The following NPHP3 variants were observed in gnomAD, a reference collection of about 807,000 sequenced individuals.
NPHP3 encodes the protein nephrocystin 3.
In NPHP3, 123 loss-of-function variants were observed where a neutral mutation model predicts 171.9. That is an observed-to-expected ratio of 0.72 (90% CI 0.62 to 0.83). NPHP3 has a LOEUF of 0.83. Ranked by LOEUF, NPHP3 falls within the 40% of genes least tolerant of loss-of-function variation. NPHP3 has a pLI of 0.00. For missense variants in NPHP3, 1,506 were observed against 1,591.9 expected (o/e 0.95, Z 0.92); for synonymous variants, 558 against 579.2 (o/e 0.96, Z 0.52).
chr3:132,720,006 A>G (rs1012591924), intron 1 of NPHP3, among the ~76,000 whole-genome samples, 176 bp from the exon 2 acceptor site: 2 of 152,228 alleles, frequency 1.3e-5, no homozygotes, highest in East Asian at 1.9e-4. Flanking sequence ...AACATGATGG[A>G]AAAAAACCGC....
chr3:132,686,113 G>GT (rs1213441939), intron 23 of NPHP3, 147 bp downstream of exon 23: 1 of 751,540 alleles, frequency 1.3e-6, no homozygotes. Context: ...TTAGGTATGT[G>GT]TATGCTCATT....
At chr3:132,714,373 C>T (rs960613271) in intron 5 of NPHP3, among the ~76,000 whole-genome samples, 2 of 152,044 alleles carry the variant, frequency 1.3e-5, no homozygotes, top group Non-Finnish European at 2.9e-5. Flanking sequence ...CAACGGCTGC[C>T]TTGGAAAATT....
At chr3:132,705,970 T>C (rs902070530) in intron 7 of NPHP3, among the ~76,000 whole-genome samples, 156 bp from the exon 8 acceptor site, 5 of 152,222 alleles carry the variant, frequency 3.3e-5, no homozygotes, top group African/African-American at 1.2e-4. Context: ...AGGGAGATAC[T>C]ATTATTATCC....
chr3:132,721,828 C>A (rs990164169), intron 1 of NPHP3, 135 bp downstream of exon 1: 5 of 1,077,086 alleles, frequency 4.6e-6, no homozygotes, highest in Non-Finnish European at 6.9e-6. Flanking sequence ...TCATTTCAGA[C>A]TCGAAGAGAA....
intron 20 of NPHP3, 38 bp from the exon 21 acceptor site, chr3:132,688,929 T>A: frequency 6.2e-7 from 1 of 1,613,700 alleles, no homozygotes. Flanking sequence ...TTAAAGTGAG[T>A]GAAATGCTGC....
At chr3:132,691,450 T>C (rs1416500680) in intron 17 of NPHP3, among the ~76,000 whole-genome samples, 164 bp from the exon 18 acceptor site, 1 of 152,190 alleles carries the variant, frequency 6.6e-6, no homozygotes, top group Non-Finnish European at 1.5e-5. Context: ...TTTGATAAAC[T>C]GTTACTAGAA....
chr3:132,693,884 A>G (rs1195478879), intron 16 of NPHP3: 1 of 152,104 alleles, frequency 6.6e-6, no homozygotes, highest in Non-Finnish European at 1.5e-5. Flanking sequence ...GGAAAAAAAA[A>G]AAAAAAATGA....
Position 132,701,412 on chromosome 3 carries a change from A to T in NPHP3, c.1628+18T>A. ...ATTCAAACAATGACAACAATAATTT[A>T]ATTGCACTGCATCATACCACTTTGA... is the stretch of plus-strand genomic sequence containing the variant. On this transcript the variant is annotated intron_variant, in intron 10 of 26. Transcript: ENST00000337331. The T allele has an allele frequency of 6.8e-7, 1 of 1,479,780 alleles. No individual in the cohort carries two copies. The highest frequency in any genetic ancestry group is 9.5e-7 in the Non-Finnish European group (1 of 1,057,970). 91.7% of individuals were successfully genotyped at this position (1,479,780 alleles called of 1,614,324 possible).
intron 15 of NPHP3, among the ~76,000 whole-genome samples, chr3:132,695,659 T>C (rs1207191682): frequency 6.6e-6 from 1 of 152,050 alleles, no homozygotes; most frequent in Admixed American, 6.6e-5. Flanking sequence ...GCAGGCTGGG[T>C]ACAGTGGCTC....
chr3:132,701,120 C>A (rs1939595011), intron 10 of NPHP3, among the ~76,000 whole-genome samples: 2 of 151,596 alleles, frequency 1.3e-5, no homozygotes, highest in South Asian at 4.2e-4. Context: ...TTACAATCCA[C>A]TTAATAACAT....
Position 132,713,249 on chromosome 3 carries a change from A to G in NPHP3, c.995T>C (p.Met332Thr), listed in dbSNP as rs1939961605. ...ATAAACAGCATGGAAAAAATATCCC[A>G]TTGTCTCGCACATTCTCTTAAGTTT... The part of the protein sequence containing the change: ...SPKLKRMCET[M>T]GYFFHAVYFP... Residue 332 changes from methionine to threonine, a missense_variant, in exon 6 of 27, where the codon ATG becomes ACG. Met to Thr is a moderately conservative substitution (Grantham distance 81). Around this residue, in one of 3 missense-constraint regions of NPHP3, gnomAD observed 930 missense variants for 924.9 expected, o/e 1.01. Coordinates refer to ENST00000337331, the MANE Select transcript of NPHP3 (RefSeq NM_153240.5). The G allele has an allele frequency of 6.2e-7, 1 of 1,604,760 alleles. No homozygotes were observed. The highest frequency in any genetic ancestry group is 2.2e-5 in the East Asian group (1 of 44,498).
chr3:132,692,917 A>G, intron 16 of NPHP3, 99 bp from the exon 17 acceptor site: 1 of 928,644 alleles, frequency 1.1e-6, no homozygotes, highest in Non-Finnish European at 1.7e-6. Flanking sequence ...ATTTCTTTTT[A>G]CCAAAACTTA....
At chr3:132,687,477 T>A (rs1372434339) in intron 21 of NPHP3, among the ~76,000 whole-genome samples, 1 of 152,156 alleles carries the variant, frequency 6.6e-6, no homozygotes, top group Non-Finnish European at 1.5e-5. Context: ...ATTAAAAAAA[T>A]TTTGACAAAA....
chr3:132,706,087 C>T (rs1268597283), intron 7 of NPHP3, among the ~76,000 whole-genome samples: 1 of 151,854 alleles, frequency 6.6e-6, no homozygotes, highest in Non-Finnish European at 1.5e-5. Flanking sequence ...AGGCCAGGCG[C>T]GGTGGCTCAT....
At chr3:132,711,037 ACT>A (rs1446742156) in intron 6 of NPHP3, among the ~76,000 whole-genome samples, 1 of 152,184 alleles carries the variant, frequency 6.6e-6, no homozygotes, top group Non-Finnish European at 1.5e-5. Flanking sequence ...TCTTCAAATA[ACT>A]CTGTGGATAC....
rs1940239843 is a variant in NPHP3, at chr3:132,721,965, G to C, written c.391C>G (p.Gln131Glu). 6.2e-7 allele frequency: 1 copy of C among 1,612,444 alleles called. No individual in the cohort carries two copies. The highest frequency in any genetic ancestry group is 8.5e-7 in the Non-Finnish European group (1 of 1,179,860). The change falls in exon 1 of 27, where the codon CAG becomes GAG. Residue 131 changes from glutamine to glutamate, a missense_variant and splice_region_variant. Around this residue, in one of 3 missense-constraint regions of NPHP3, gnomAD observed 930 missense variants for 924.9 expected, o/e 1.01. Transcript: ENST00000337331. ...TENKRLRAEL[Q>E]ALQKTYQKIL... is the part of the protein sequence containing the mutation. Reference sequence around the variant, plus strand: ...GTCGCGGCCCAGCCCGGCGTTACCTGCAGTTCGGCCCGCAGCCGCTTGTTC... The same window carrying C: ...GTCGCGGCCCAGCCCGGCGTTACCTCCAGTTCGGCCCGCAGCCGCTTGTTC...
At chr3:132,682,239 CA>C in intron 26 of NPHP3, 149 bp from the exon 27 acceptor site, 1 of 695,928 alleles carries the variant, frequency 1.4e-6, no homozygotes, top group Non-Finnish European at 2.5e-6. Flanking sequence ...ACCAGTAAAA[CA>C]ACACCCAAAC....
intron 13 of NPHP3, among the ~76,000 whole-genome samples, chr3:132,697,753 C>T (rs1939493525): frequency 6.6e-6 from 1 of 152,108 alleles, no homozygotes; most frequent in East Asian, 1.9e-4. Flanking sequence ...TTACAATATA[C>T]ATTCTTGATA....
rs963377903 is a variant in NPHP3, at chr3:132,681,723, A to C, written c.*187T>G. On this transcript the variant is annotated 3_prime_UTR_variant, in exon 27 of 27. Transcript: ENST00000337331. The stretch of plus-strand genomic sequence containing the variant: ...ACCATATAATAGGAAAATTCTTTTA[A>C]ACAACTAAAACAGACATAATCACAA... 4.9e-6 allele frequency: 3 copies of C among 617,808 alleles called. No homozygotes were observed. In the African/African-American group the frequency reaches 5.5e-5, roughly 11 times the overall value. The allele number at this position is 617,808 out of a possible 1,614,324, so 38.3% of individuals were successfully genotyped here.
Sources: allele counts gnomAD v4.1 joint callset (sites outside exome capture counted in the v4.1 genomes callset), GRCh38; gene constraint gnomAD v4.1.1; regional missense constraint gnomAD v4.1.1; transcripts MANE v1.5; gene names NCBI Gene and HGNC (gene_info 2026-07-23, HGNC 2026-07-21).